Variants in SATB1 observed in about 807,000 individuals in gnomAD.
The protein encoded by SATB1 is SATB homeobox 1, also known as DNA-binding protein SATB1.
SATB1 carries 11 observed loss-of-function variants against 86.9 expected under a neutral mutation model. The observed-to-expected ratio is 0.13, with a 90% CI of 0.08 to 0.21. The LOEUF is 0.21. SATB1 is among the 10% of genes least tolerant of loss of function. SATB1 has a pLI of 1.00. For missense variants in SATB1, 551 were observed against 937.6 expected, an observed-to-expected ratio of 0.59 and a Z score of 5.39; for synonymous variants, 357 against 357.2, an observed-to-expected ratio of 1.00 and a Z score of 0.01.
Position 18,416,004 on chromosome 3 carries a change from C to G in SATB1, c.515+3G>C. The G allele has an allele frequency of 6.3e-7, 1 of 1,595,188 alleles. No homozygotes were observed. Among genetic ancestry groups the G allele is most frequent in the Non-Finnish European group, 8.6e-7 (1 of 1,168,188 alleles). On this transcript the variant is annotated splice_donor_region_variant and intron_variant, in intron 4 of 10. Coordinates refer to ENST00000338745, the MANE Select transcript of SATB1 (RefSeq NM_002971.6). The stretch of plus-strand genomic sequence containing the variant: ...TCACCCTAGATTTGCTGTCTTGACT[C>G]ACCTGTGTAACTGAATTTTCAATGT...
rs906994888 is a variant in SATB1 at position 18,444,987 on chromosome 3, G to C, written c.-25+531C>G. ...CGGCGGGAGCTGCTCTCGTCTCGTCGGTCGCGGCGCCTGCAGTCTGGAGGC... is the reference window on the plus strand; with the variant it reads ...CGGCGGGAGCTGCTCTCGTCTCGTCCGTCGCGGCGCCTGCAGTCTGGAGGC... On this transcript the variant is annotated intron_variant, in intron 1 of 3. Transcript: ENST00000415069. This position sits in a 1 kb window ranked among gnomAD's most constrained non-coding sequence, Gnocchi z 5.1. The C allele has an allele frequency of 6.3e-6, 1 of 159,252 alleles. No individual in the cohort carries two copies. Among genetic ancestry groups the C allele is most frequent in the African/African-American group, 2.4e-5 (1 of 40,962 alleles). 9.9% of individuals were successfully genotyped at this position (159,252 alleles called of 1,614,324 possible). A position where few individuals can be genotyped will look rare whatever the true frequency, so the allele number is the denominator to read the frequency against.
At chr3:18,423,237 CAGAA>C (rs1015685968) in intron 1 of SATB1, among the ~76,000 whole-genome samples, 1 of 152,182 alleles carries the variant, frequency 6.6e-6, no homozygotes, top group African/African-American at 2.4e-5. Context: ...GGTTGCCACA[CAGAA>C]AGCAAGCTAC....
intron 4 of SATB1, 126 bp from the exon 5 acceptor site, chr3:18,415,360 T>C: frequency 9.7e-7 from 1 of 1,034,640 alleles, no homozygotes; most frequent in Non-Finnish European, 1.4e-6. Flanking sequence ...GCTCTCGGTC[T>C]CCTGATTGTT....
chr3:18,378,045 GA>G, intron 9 of SATB1, 124 bp downstream of exon 9: 1 of 833,142 alleles, frequency 1.2e-6, no homozygotes, highest in Non-Finnish European at 1.8e-6. Flanking sequence ...TAGAGCTCTG[GA>G]AATAATCCTA....
chr3:18,347,809 T>C lies in SATB1; in HGVS notation c.*1361A>G, dbSNP rs1694134570. On this transcript the variant is annotated 3_prime_UTR_variant, in exon 11 of 11. Coordinates refer to ENST00000338745, the MANE Select transcript of SATB1 (RefSeq NM_002971.6). ...ATGTGTTTGTGATTTAAATTTACAG[T>C]GTTTCAAGTAACTTGTCAATTGCTC... The C allele has an allele frequency of 6.6e-6, 1 of 152,206 alleles. No homozygotes were observed. The highest frequency in any genetic ancestry group is 2.1e-4 in the South Asian group (1 of 4,830). The allele number at this position is 152,206 out of a possible 1,614,324, so 9.4% of individuals were successfully genotyped here. A position where few individuals can be genotyped will look rare whatever the true frequency, so the allele number is the denominator to read the frequency against.
In SATB1 at chr3:18,348,735, CT is replaced by C. The variant is rs398062130; in HGVS notation, c.*434del. 5.9e-3 allele frequency: 861 copies of C among 146,260 alleles called. No homozygotes were observed. The highest frequency in any genetic ancestry group is 0.013 in the South Asian group (67 of 5,020). The allele number at this position is 146,260 out of a possible 1,614,324, so 9.1% of individuals were successfully genotyped here. On this transcript the variant is annotated 3_prime_UTR_variant, in exon 11 of 11. Coordinates refer to ENST00000338745, the MANE Select transcript of SATB1 (RefSeq NM_002971.6). ...AATAGAGTAACAAACTCTTTTTTTTCTTTTTTTTTTTTAAATAAGGGGCAAG... is the reference window on the plus strand; with the variant it reads ...AATAGAGTAACAAACTCTTTTTTTTCTTTTTTTTTTTAAATAAGGGGCAAG...
chr3:18,350,932 AT>A (rs1328475496), intron 10 of SATB1: 3 of 287,668 alleles, frequency 1.0e-5, no homozygotes, highest in African/African-American at 6.7e-5. Context: ...CAGAGGTAGA[AT>A]TTTAGGACTC....
In SATB1 at chr3:18,402,330, TAAC is replaced by T. The variant is rs201432912; in HGVS notation, c.640-5043_640-5041del. 3.2e-3 allele frequency among the ~76,000 whole-genome samples: 489 copies of T among 152,154 alleles called. 4 individuals carry two copies. The highest frequency in any genetic ancestry group is 0.011 in the African/African-American group (469 of 41,524). ...CCTTAAAATTGCTTTGTTGTGTCTT[TAAC>T]AACAACCAAAAAAAACCACCCCAAA... On this transcript the variant is annotated intron_variant, in intron 5 of 10. Coordinates refer to ENST00000338745, the MANE Select transcript of SATB1 (RefSeq NM_002971.6).
intron 10 of SATB1, 101 bp downstream of exon 10, chr3:18,351,891 C>T: frequency 9.0e-7 from 1 of 1,109,182 alleles, no homozygotes; most frequent in Non-Finnish European, 1.4e-6. Flanking sequence ...GCTAAAAAGC[C>T]TATGGTTAGA....
chr3:18,440,076 G>A (rs1183330220), upstream of SATB1, among the ~76,000 whole-genome samples: 1 of 152,180 alleles, frequency 6.6e-6, no homozygotes, highest in Non-Finnish European at 1.5e-5. Flanking sequence ...AGACTTGGAA[G>A]AGGAGACACT....
chr3:18,407,415 T>G (rs1697595066), intron 5 of SATB1, among the ~76,000 whole-genome samples: 1 of 152,058 alleles, frequency 6.6e-6, no homozygotes, highest in Non-Finnish European at 1.5e-5. Flanking sequence ...ATCTTCCATG[T>G]AGCCAGAGAG....
chr3:18,366,452 T>TCAAC (rs1423473748), intron 9 of SATB1, among the ~76,000 whole-genome samples: 1 of 151,692 alleles, frequency 6.6e-6, no homozygotes, highest in African/African-American at 2.4e-5. Context: ...AATCAATCAA[T>TCAAC]CAATCAATCA....
At position 18,352,653 on chromosome 3, in the gene SATB1, G is replaced by A. The variant is rs1694426647; in HGVS notation, c.1576-458C>T. The A allele has an allele frequency of 5.6e-6, 1 of 179,538 alleles. No homozygotes were observed. Among genetic ancestry groups the A allele is most frequent in the Non-Finnish European group, 1.2e-5 (1 of 83,344 alleles). 11.1% of individuals were successfully genotyped at this position (179,538 alleles called of 1,614,324 possible). ...TACTTTTTGGATTTGAAAGAAAACTGTGTGTGAATATTTATGTGTGTACAT... is the reference window on the plus strand; with the variant it reads ...TACTTTTTGGATTTGAAAGAAAACTATGTGTGAATATTTATGTGTGTACAT... On this transcript the variant is annotated intron_variant, in intron 9 of 10. Transcript: ENST00000338745. The surrounding 1 kb of genome is among the most constrained non-coding windows in gnomAD (Gnocchi z 4.1).
intron 7 of SATB1, among the ~76,000 whole-genome samples, chr3:18,392,739 T>C (rs901284512): frequency 2.6e-5 from 4 of 152,062 alleles, no homozygotes; most frequent in African/African-American, 4.8e-5. Context: ...GTACTTACTA[T>C]ATTTACTAAA....
At chr3:18,362,963 T>C (rs1694993661) in intron 9 of SATB1, among the ~76,000 whole-genome samples, 1 of 151,870 alleles carries the variant, frequency 6.6e-6, no homozygotes, top group Non-Finnish European at 1.5e-5. Context: ...GTTTGTCTGC[T>C]TACAAAAATA....
chr3:18,395,372 A>G (rs1231328198), intron 6 of SATB1, among the ~76,000 whole-genome samples: 1 of 152,210 alleles, frequency 6.6e-6, no homozygotes, highest in African/African-American at 2.4e-5. Flanking sequence ...CATGATATTC[A>G]TTAACTTTAG....
rs182501516 is a variant in SATB1, at chr3:18,378,452, T to C, written c.1420-127A>G. The stretch of plus-strand genomic sequence containing the variant: ...ATCAAGGTGATCAACAGTGCAGTCA[T>C]TCAACATTAGTTATTGCCCTGAGAT... On this transcript the variant is annotated intron_variant, in intron 8 of 10. Coordinates refer to ENST00000338745, the MANE Select transcript of SATB1 (RefSeq NM_002971.6). 9.0e-4 allele frequency: 784 copies of C among 872,310 alleles called. 4 individuals are homozygous for C. The highest frequency in any genetic ancestry group is 6.9e-5 in the Non-Finnish European group (39 of 564,748). 54.0% of individuals were successfully genotyped at this position (872,310 alleles called of 1,614,324 possible).
intron 9 of SATB1, among the ~76,000 whole-genome samples, chr3:18,369,783 C>T (rs954415348): frequency 4.6e-5 from 7 of 152,284 alleles, no homozygotes; most frequent in African/African-American, 9.6e-5. Context: ...CAGCCACACT[C>T]GCACTACATC....
intron 8 of SATB1, 150 bp from the exon 9 acceptor site, chr3:18,378,475 G>C: frequency 1.4e-6 from 1 of 739,624 alleles, no homozygotes; most frequent in Non-Finnish European, 2.2e-6. Flanking sequence ...ATTGCCCTGA[G>C]ATCAGATTGC....
Sources: allele counts gnomAD v4.1 joint callset (sites outside exome capture counted in the v4.1 genomes callset), GRCh38; gene constraint gnomAD v4.1.1; non-coding constraint Gnocchi (gnomAD v3.1); transcripts MANE v1.5; gene names NCBI Gene and HGNC (gene_info 2026-07-23, HGNC 2026-07-21).